GPSM1: variants seen among roughly 807,000 people sequenced by gnomAD.
The protein encoded by GPSM1 is G protein signaling modulator 1, also known as G protein-signaling modulator 1.
GPSM1 carries 48 observed loss-of-function variants against 70.5 expected under a neutral mutation model. That is an observed-to-expected ratio of 0.68 (90% CI 0.54 to 0.87). The LOEUF (loss-of-function observed/expected upper bound fraction) is 0.87, where lower values mean the gene tolerates loss of function less well. Among genes scored for constraint, GPSM1 ranks in the 40% least tolerant of loss-of-function variants. GPSM1 has a pLI of 0.00. For synonymous variants in GPSM1, 416 were observed against 430.1 expected, an observed-to-expected ratio of 0.97 and a Z score of 0.41; for missense variants, 981 against 972.6, an observed-to-expected ratio of 1.01 and a Z score of -0.11.
chr9:136,356,348 C>A lies in GPSM1; in HGVS notation c.1619C>A (p.Pro540His). The A allele has an allele frequency of 1.3e-6, 2 of 1,585,380 alleles. No homozygotes were observed. Among genetic ancestry groups the A allele is most frequent in the Non-Finnish European group, 1.7e-6 (2 of 1,164,184 alleles). ...APTLEDRIAQ[P>H]SMTASPQTEE... ...ACCCTCTGGCCCCCCGCAGCCCAGCCCTCGATGACGGCCTCGCCCCAGACC... is the reference window on the plus strand; with the variant it reads ...ACCCTCTGGCCCCCCGCAGCCCAGCACTCGATGACGGCCTCGCCCCAGACC... Residue 540 changes from proline (P) to histidine (H), a missense_variant, in exon 13 of 14, where the codon CCC becomes CAC. Physicochemically the swap from Pro to His is moderately conservative, Grantham distance 77 (BLOSUM62 -2). Transcript: ENST00000440944.
rs944985239 is a variant in GPSM1 at position 136,359,352 on chromosome 9, C to T, written c.*1132C>T. The T allele has an allele frequency of 6.6e-6, 1 of 152,216 alleles. No individual in the cohort carries two copies. The highest frequency in any genetic ancestry group is 1.5e-5 in the Non-Finnish European group (1 of 68,030). 9.4% of individuals were successfully genotyped at this position (152,216 alleles called of 1,614,324 possible). A position where few individuals can be genotyped will look rare whatever the true frequency, so the allele number is the denominator to read the frequency against. ...TAGGAGGGTGCCTCTAGGCCCCACTCTCAGGCTAGGATGGAGAGGCAGATC... is the reference window on the plus strand; with the variant it reads ...TAGGAGGGTGCCTCTAGGCCCCACTTTCAGGCTAGGATGGAGAGGCAGATC... On this transcript the variant is annotated 3_prime_UTR_variant, in exon 14 of 14. Coordinates refer to ENST00000440944, the MANE Select transcript of GPSM1 (RefSeq NM_001145638.3).
At chr9:136,347,836 C>A (rs142725309) in intron 9 of GPSM1, among the ~76,000 whole-genome samples, 94 of 152,338 alleles carry the variant, frequency 6.2e-4, no homozygotes, top group African/African-American at 1.7e-3. Context: ...AGGGCCCACT[C>A]TCCCAAACTC....
chr9:136,344,166 G>A (rs1289901453), intron 9 of GPSM1, among the ~76,000 whole-genome samples: 41 of 146,354 alleles, frequency 2.8e-4, no homozygotes, highest in African/African-American at 7.4e-4. Flanking sequence ...GGACAGGATC[G>A]GGGGGAGGCG....
At chr9:136,330,895 G>C (rs28453782) in intron 1 of GPSM1, among the ~76,000 whole-genome samples, 77,015 of 151,634 alleles carry the variant, frequency 0.51, 20,033 homozygotes, top group Middle Eastern at 0.61. Flanking sequence ...GTCCTGCCCC[G>C]CCTTTGGCCA....
intron 1 of GPSM1, among the ~76,000 whole-genome samples, chr9:136,333,590 G>C (rs1172951200): frequency 1.3e-5 from 2 of 152,228 alleles, no homozygotes; most frequent in Non-Finnish European, 2.9e-5. Context: ...GAAGGTGGGG[G>C]ACCACGGCCA....
In GPSM1 at chr9:136,358,247, C is replaced by G. The variant is rs782301097; in HGVS notation, c.*27C>G. On this transcript the variant is annotated 3_prime_UTR_variant, in exon 14 of 14. Coordinates refer to ENST00000440944, the MANE Select transcript of GPSM1 (RefSeq NM_001145638.3). ...GCCCTGTGCCCACCGCCAGGCCCACCCTGCCCCCACTCCTGGACGCCGGTC... is the reference window on the plus strand; with the variant it reads ...GCCCTGTGCCCACCGCCAGGCCCACGCTGCCCCCACTCCTGGACGCCGGTC... 1 of 1,511,348 alleles carries G rather than the reference C, an allele frequency of 6.6e-7. No individual in the cohort carries two copies. Among genetic ancestry groups the G allele is most frequent in the African/African-American group, 1.4e-5 (1 of 72,350 alleles). 93.6% of individuals were successfully genotyped at this position (1,511,348 alleles called of 1,614,324 possible).
At chr9:136,356,228 A>T in intron 12 of GPSM1, 114 bp from the exon 13 acceptor site, 1 of 825,822 alleles carries the variant, frequency 1.2e-6, no homozygotes. Flanking sequence ...CCATGGCCCC[A>T]GCAGCACAGT....
chr9:136,348,613 T>C, intron 9 of GPSM1, 84 bp from the exon 10 acceptor site: 1 of 1,043,084 alleles, frequency 9.6e-7, no homozygotes, highest in Non-Finnish European at 1.4e-6. Context: ...GGGCTGGTCC[T>C]TGGCCCCCCA....
intron 9 of GPSM1, among the ~76,000 whole-genome samples, chr9:136,348,003 G>C (rs1321390384): frequency 2.6e-5 from 4 of 152,210 alleles, no homozygotes; most frequent in Non-Finnish European, 5.9e-5. Flanking sequence ...CCCGGGACAG[G>C]CACTGGTGGC....
chr9:136,338,808 C>T, intron 7 of GPSM1, 98 bp downstream of exon 7: 1 of 1,215,632 alleles, frequency 8.2e-7, no homozygotes, highest in South Asian at 1.5e-5. Context: ...CCCTGCTCTG[C>T]CACTGACCAT....
rs28624681 is a variant in GPSM1, at chr9:136,343,450, C to T, written c.1207+2457C>T. Among the ~76,000 whole-genome samples, 34,701 of 152,208 alleles carry T rather than the reference C, an allele frequency of 0.23. 4,108 individuals are homozygous for T. Among genetic ancestry groups the T allele is most frequent in the Admixed American group, 0.26 (3,935 of 15,298 alleles). On this transcript the variant is annotated intron_variant, in intron 9 of 13. Coordinates refer to ENST00000440944, the MANE Select transcript of GPSM1 (RefSeq NM_001145638.3). This position sits in a 1 kb window ranked among gnomAD's most constrained non-coding sequence, Gnocchi z 6.0. ...TGCGACTGCCCTCGGCCCTGCTGAC[C>T]GTACTTCTCAGCCCTCCACCGTCTG...
Position 136,336,939 on chromosome 9 carries a change from C to T in GPSM1, c.445C>T (p.Leu149Phe), listed in dbSNP as rs782204726. The change falls in exon 4 of 14, where the codon CTC (leucine) becomes TTC (phenylalanine). Residue 149 changes from leucine to phenylalanine, a missense_variant. Coordinates refer to ENST00000440944, the MANE Select transcript of GPSM1 (RefSeq NM_001145638.3). Reference sequence around the variant, plus strand: ...CCCACAGGTTGGGGAGGCGAGGGCCCTCTACAACATCGGGAACGTGTACCA... The same window carrying T: ...CCCACAGGTTGGGGAGGCGAGGGCCTTCTACAACATCGGGAACGTGTACCA... ...QGDKVGEARA[L>F]YNIGNVYHAK... 1.2e-5 allele frequency: 19 copies of T among 1,556,820 alleles called. No individual in the cohort carries two copies. The East Asian group carries it at 4.1e-4, about 34-fold the overall frequency.
chr9:136,338,412 G>A lies in GPSM1; in HGVS notation c.819-143G>A. On this transcript the variant is annotated intron_variant, in intron 6 of 13. Transcript: ENST00000440944. ...CAGTCCCGCTCTGTGGCCATGTGAGGGTGGGGATGAAGCTGGACCCCAGAG... is the reference window on the plus strand; with the variant it reads ...CAGTCCCGCTCTGTGGCCATGTGAGAGTGGGGATGAAGCTGGACCCCAGAG... The A allele has an allele frequency of 3.9e-6, 3 of 762,362 alleles. No homozygotes were observed. The South Asian group carries it at 5.5e-5, about 14-fold the overall frequency. 47.2% of individuals were successfully genotyped at this position (762,362 alleles called of 1,614,324 possible). A position where few individuals can be genotyped will look rare whatever the true frequency, so the allele number is the denominator to read the frequency against.
Position 136,340,258 on chromosome 9 carries a change from A to C in GPSM1, c.1083+443A>C, listed in dbSNP as rs1249007434. On this transcript the variant is annotated intron_variant, in intron 8 of 13. Transcript: ENST00000440944. The surrounding 1 kb of genome is among the most constrained non-coding windows in gnomAD (Gnocchi z 7.3). Reference sequence around the variant, plus strand: ...ACTGACCACCATAGACCCATGTAGGAGGTGGCCGGGTGGGGAGGCCTGCAG... The same window carrying C: ...ACTGACCACCATAGACCCATGTAGGCGGTGGCCGGGTGGGGAGGCCTGCAG... Among the ~76,000 whole-genome samples, 1 of 151,994 alleles carries C rather than the reference A, an allele frequency of 6.6e-6. No individual in the cohort carries two copies. The highest frequency in any genetic ancestry group is 1.5e-5 in the Non-Finnish European group (1 of 67,992).
rs1410117554 is a variant in GPSM1, at chr9:136,340,238, C to G, written c.1083+423C>G. Reference sequence around the variant, plus strand: ...TAAAGACGGTGCCAGCCCCTACTGACCACCATAGACCCATGTAGGAGGTGG... The same window carrying G: ...TAAAGACGGTGCCAGCCCCTACTGAGCACCATAGACCCATGTAGGAGGTGG... On this transcript the variant is annotated intron_variant, in intron 8 of 13. Coordinates refer to ENST00000440944, the MANE Select transcript of GPSM1 (RefSeq NM_001145638.3). This position sits in a 1 kb window ranked among gnomAD's most constrained non-coding sequence, Gnocchi z 7.3. 1.3e-5 allele frequency among the ~76,000 whole-genome samples: 2 copies of G among 152,172 alleles called. No homozygotes were observed. Among genetic ancestry groups the G allele is most frequent in the African/African-American group, 4.8e-5 (2 of 41,430 alleles).
In GPSM1 at chr9:136,340,064, G is replaced by C. The variant is rs1369961156; in HGVS notation, c.1083+249G>C. On this transcript the variant is annotated intron_variant, in intron 8 of 13. Coordinates refer to ENST00000440944, the MANE Select transcript of GPSM1 (RefSeq NM_001145638.3). This position sits in a 1 kb window ranked among gnomAD's most constrained non-coding sequence, Gnocchi z 7.3. ...CCTCCTCCTTGGAGAGTTTGCACAG[G>C]GTCTCTGTGGGCTCCGCCCATCAGC... Among the ~76,000 whole-genome samples the C allele has an allele frequency of 6.8e-6, 1 of 147,642 alleles. No homozygotes were observed. Among genetic ancestry groups the C allele is most frequent in the Non-Finnish European group, 1.5e-5 (1 of 67,364 alleles).
At chr9:136,356,617 T>A in intron 13 of GPSM1, 67 bp downstream of exon 13, 1 of 1,244,202 alleles carries the variant, frequency 8.0e-7, no homozygotes. Flanking sequence ...GGAGGCAACT[T>A]GTGTCCTGAG....
chr9:136,332,765 C>G (rs571541173), intron 1 of GPSM1, among the ~76,000 whole-genome samples: 1 of 149,748 alleles, frequency 6.7e-6, no homozygotes, highest in East Asian at 2.0e-4. Context: ...GGGCCTGGCC[C>G]TGAGGTGAGA....
chr9:136,335,903 C>A, intron 2 of GPSM1, 63 bp from the exon 3 acceptor site: 5 of 1,540,568 alleles, frequency 3.2e-6, no homozygotes, highest in Non-Finnish European at 4.4e-6. Flanking sequence ...TGCTCAGCCT[C>A]CCCCCGGGCC....
Sources: gnomAD v4.1 joint callset for allele counts (sites outside exome capture counted in the v4.1 genomes callset) on GRCh38, gnomAD v4.1.1 for gene constraint, Gnocchi (gnomAD v3.1) non-coding constraint, MANE v1.5 for transcripts, NCBI Gene and HGNC (gene_info 2026-07-23, HGNC 2026-07-21) for gene names.